The following ADGRB2 variants were observed in gnomAD, a reference collection of about 807,000 sequenced individuals.
ADGRB2 encodes the protein adhesion G protein-coupled receptor B2.
In ADGRB2, 47 loss-of-function variants were observed where a neutral mutation model predicts 178.7. That is an observed-to-expected ratio of 0.26 (90% CI 0.21 to 0.34). The LOEUF (loss-of-function observed/expected upper bound fraction) is 0.34. Among genes scored for constraint, ADGRB2 ranks in the 10% least tolerant of loss-of-function variants. ADGRB2 has a pLI of 1.00. For synonymous variants in ADGRB2, 870 were observed against 912.4 expected (o/e 0.95, Z 0.84); for missense variants, 1,584 against 2,180.8 (o/e 0.73, Z 5.45).
Position 31,755,652 on chromosome 1 carries a change from C to G in ADGRB2, c.838+347G>C, listed in dbSNP as rs1013784196. On this transcript the variant is annotated intron_variant, in intron 4 of 32. Transcript: ENST00000373658. The surrounding 1 kb of genome is among the most constrained non-coding windows in gnomAD (Gnocchi z 5.1). ...CCTTTGTGCACCCTTCTTGCTCTGC[C>G]TAGAATGCCCTCATCTCACTTCTGC... Among the ~76,000 whole-genome samples, 11 of 151,918 alleles carry G rather than the reference C, an allele frequency of 7.2e-5. No homozygotes were observed. The highest frequency in any genetic ancestry group is 5.9e-4 in the Admixed American group (9 of 15,270).
At position 31,744,758 on chromosome 1, in the gene ADGRB2, C is replaced by T. The variant is rs936591383; in HGVS notation, c.839-27G>A. 6.2e-7 allele frequency: 1 copy of T among 1,611,830 alleles called. No homozygotes were observed. Among genetic ancestry groups the T allele is most frequent in the Non-Finnish European group, 8.5e-7 (1 of 1,177,950 alleles). On this transcript the variant is annotated intron_variant, in intron 4 of 32. Coordinates refer to ENST00000373658, the MANE Select transcript of ADGRB2 (RefSeq NM_001364857.2). This position sits in a 1 kb window ranked among gnomAD's most constrained non-coding sequence, Gnocchi z 6.7. ...TGGAACACGGAGGTGGTGGCAGGGG[C>T]TCAGCAAAGGCCAGCTAGGTTCTGT...
At chr1:31,731,575 A>G (rs375777516) in intron 28 of ADGRB2, among the ~76,000 whole-genome samples, 156 bp from the exon 29 acceptor site, 9 of 152,078 alleles carry the variant, frequency 5.9e-5, no homozygotes, top group African/African-American at 2.2e-4. Context: ...TCTCTCACAT[A>G]TAAGAGGGGT....
In ADGRB2 at chr1:31,741,410, C is replaced by A. The variant is rs775608837; in HGVS notation, c.1757G>T (p.Arg586Leu). 5 of 1,606,984 alleles carry A rather than the reference C, an allele frequency of 3.1e-6. No homozygotes were observed. Among genetic ancestry groups the A allele is most frequent in the Non-Finnish European group, 4.2e-6 (5 of 1,177,040 alleles). Reference protein sequence around the residue: ...VAYWGLPSFARCISHEYRYLY... With the variant: ...VAYWGLPSFALCISHEYRYLY... The stretch of plus-strand genomic sequence containing the variant: ...GTAGCGGTACTCATGGGAGATGCAG[C>A]GAGCAAAGCTGGGCAGCCCCCAGTA... The change falls in exon 11 of 33, where the codon CGC (arginine) becomes CTC (leucine). Residue 586 changes from arginine to leucine, a missense_variant. Physicochemically the swap from Arg to Leu is moderately radical, Grantham distance 102. Coordinates refer to ENST00000373658, the MANE Select transcript of ADGRB2 (RefSeq NM_001364857.2). This position sits in a 1 kb window ranked among gnomAD's most constrained non-coding sequence, Gnocchi z 6.5.
In ADGRB2 at chr1:31,753,271, C is replaced by T. The variant is rs1376792681; in HGVS notation, c.838+2728G>A. 3.9e-5 allele frequency among the ~76,000 whole-genome samples: 6 copies of T among 152,164 alleles called. No individual in the cohort carries two copies. Among genetic ancestry groups the T allele is most frequent in the East Asian group, 1.9e-4 (1 of 5,188 alleles). ...TCCTTTTCCCCCACTTAACAGATTG[C>T]GGCAGCAAGATGGCACAAATTTATG... On this transcript the variant is annotated intron_variant, in intron 4 of 32. Coordinates refer to ENST00000373658, the MANE Select transcript of ADGRB2 (RefSeq NM_001364857.2). This position sits in a 1 kb window ranked among gnomAD's most constrained non-coding sequence, Gnocchi z 4.1.
In ADGRB2 at chr1:31,740,213, G is replaced by C; in HGVS notation, c.1990-35C>G. ...GAGCAATGAGTGGCAGGGGGTCCTA[G>C]CCCCAGGGAACAGGGGGCTTCCCCC... On this transcript the variant is annotated intron_variant, in intron 12 of 32. Transcript: ENST00000373658. This position sits in a 1 kb window ranked among gnomAD's most constrained non-coding sequence, Gnocchi z 5.9. The C allele has an allele frequency of 6.2e-7, 1 of 1,613,386 alleles. No individual in the cohort carries two copies. The highest frequency in any genetic ancestry group is 2.2e-5 in the East Asian group (1 of 44,878).
chr1:31,734,151 G>A (rs776653990), intron 25 of ADGRB2, among the ~76,000 whole-genome samples: 11 of 152,238 alleles, frequency 7.2e-5, no homozygotes, highest in Non-Finnish European at 1.6e-4. Context: ...CCCCGGAGGT[G>A]TAGCCAAGAC....
intron 27 of ADGRB2, 104 bp from the exon 28 acceptor site, chr1:31,732,258 C>T: frequency 6.7e-7 from 1 of 1,502,378 alleles, no homozygotes; most frequent in Non-Finnish European, 9.2e-7. Context: ...GTCTGCCTGC[C>T]TTAGGGCTGC....
chr1:31,733,583 C>T lies in ADGRB2; in HGVS notation c.3453-440G>A, dbSNP rs1033644095. On this transcript the variant is annotated intron_variant, in intron 25 of 32. Transcript: ENST00000373658. This position sits in a 1 kb window ranked among gnomAD's most constrained non-coding sequence, Gnocchi z 4.3. Reference sequence around the variant, plus strand: ...AGCAACAACAACCACAGTGAGAGAACGCATGCGACAGAGACACCCAGACAG... The same window carrying T: ...AGCAACAACAACCACAGTGAGAGAATGCATGCGACAGAGACACCCAGACAG... Among the ~76,000 whole-genome samples the T allele has an allele frequency of 1.3e-5, 2 of 152,140 alleles. No individual in the cohort carries two copies. The highest frequency in any genetic ancestry group is 2.1e-4 in the South Asian group (1 of 4,832).
Position 31,732,139 on chromosome 1 carries a change from C to G in ADGRB2, c.3736G>C (p.Asp1246His). The stretch of plus-strand genomic sequence containing the variant: ...CCTGTTTGACAAGCCAGATCCACAT[C>G]CTTTTCAAAGTCTGACTATAGGCAG... ...QLQILSDFEK[D>H]VDLACQTVLF... Residue 1246 changes from aspartate to histidine, a missense_variant, in exon 28 of 33, where the codon GAT becomes CAT. This residue lies in a region of ADGRB2 where 865 missense variants were observed against 1,192.8 expected (regional missense o/e 0.73). Transcript: ENST00000373658. The G allele has an allele frequency of 6.2e-7, 1 of 1,614,124 alleles. No homozygotes were observed. Among genetic ancestry groups the G allele is most frequent in the Non-Finnish European group, 8.5e-7 (1 of 1,179,994 alleles).
intron 4 of ADGRB2, among the ~76,000 whole-genome samples, chr1:31,749,607 C>T (rs944327563): frequency 2.0e-5 from 3 of 152,200 alleles, no homozygotes; most frequent in Admixed American, 6.5e-5. Context: ...GAGCACAATC[C>T]GCTCTCAATG....
chr1:31,762,011 CG>C (rs1486512409), intron 1 of ADGRB2, among the ~76,000 whole-genome samples: 1 of 143,874 alleles, frequency 7.0e-6, no homozygotes, highest in Non-Finnish European at 1.5e-5. Flanking sequence ...GAACGTAGGT[CG>C]TCTGACCGAA....
intron 25 of ADGRB2, among the ~76,000 whole-genome samples, chr1:31,734,862 CT>C (rs1343886633): frequency 6.6e-6 from 1 of 152,106 alleles, no homozygotes; most frequent in African/African-American, 2.4e-5. Context: ...CTCAAAAATT[CT>C]AAGGCTTAAG....
At position 31,741,612 on chromosome 1, in the gene ADGRB2, C is replaced by G; in HGVS notation, c.1687+12G>C. The G allele has an allele frequency of 6.2e-7, 1 of 1,612,510 alleles. No homozygotes were observed. The highest frequency in any genetic ancestry group is 1.1e-5 in the South Asian group (1 of 90,844). ...GGGGTGGTGGTGGTGGGGAAAGCCACCTGCCCCTTACCTGAGGCATTCGGG... is the reference window on the plus strand; with the variant it reads ...GGGGTGGTGGTGGTGGGGAAAGCCAGCTGCCCCTTACCTGAGGCATTCGGG... On this transcript the variant is annotated intron_variant, in intron 10 of 32. Transcript: ENST00000373658. The surrounding 1 kb of genome is among the most constrained non-coding windows in gnomAD (Gnocchi z 6.5).
chr1:31,739,204 G>GCTGC, intron 15 of ADGRB2, 104 bp downstream of exon 15: 11 of 1,237,762 alleles, frequency 8.9e-6, no homozygotes, highest in Non-Finnish European at 1.2e-5. Context: ...GGTGGAGGAG[G>GCTGC]CTGCCATGGA....
Position 31,735,574 on chromosome 1 carries a change from C to A in ADGRB2, c.3353+6G>T, listed in dbSNP as rs12409382. ...AAAGGCCAAGTCTCAGAGGCCCCCCCCTTACCCGGCCCTCTGCTTCTTGGA... is the reference window on the plus strand; with the variant it reads ...AAAGGCCAAGTCTCAGAGGCCCCCCACTTACCCGGCCCTCTGCTTCTTGGA... On this transcript the variant is annotated splice_donor_region_variant and intron_variant, in intron 24 of 32. Transcript: ENST00000373658. This position sits in a 1 kb window ranked among gnomAD's most constrained non-coding sequence, Gnocchi z 6.0. 18 of 1,613,644 alleles carry A rather than the reference C, an allele frequency of 1.1e-5. No individual in the cohort carries two copies. The highest frequency in any genetic ancestry group is 6.7e-5 in the East Asian group (3 of 44,882).
At chr1:31,748,011 G>A (rs186161679) in intron 4 of ADGRB2, among the ~76,000 whole-genome samples, 21 of 152,318 alleles carry the variant, frequency 1.4e-4, no homozygotes, top group African/African-American at 4.3e-4. Flanking sequence ...GCCCATCGTC[G>A]TGTCTGGGGC....
Position 31,728,094 on chromosome 1 carries a change from C to A in ADGRB2, c.4516-13G>T, listed in dbSNP as rs1645083546. 1 of 1,610,144 alleles carries A rather than the reference C, an allele frequency of 6.2e-7. No homozygotes were observed. The highest frequency in any genetic ancestry group is 8.5e-7 in the Non-Finnish European group (1 of 1,179,024). On this transcript the variant is annotated splice_polypyrimidine_tract_variant and intron_variant, in intron 31 of 32. Transcript: ENST00000373658. The surrounding 1 kb of genome is among the most constrained non-coding windows in gnomAD (Gnocchi z 6.7). ...ACCGCTTCTCCCTCTGCAACGGGGGCCACCGGTCAGGCTCCAACCCCAGGG... is the reference window on the plus strand; with the variant it reads ...ACCGCTTCTCCCTCTGCAACGGGGGACACCGGTCAGGCTCCAACCCCAGGG...
chr1:31,755,970 C>T lies in ADGRB2; in HGVS notation c.838+29G>A, dbSNP rs781505963. 4.8e-5 allele frequency: 76 copies of T among 1,575,554 alleles called. No individual in the cohort carries two copies. Among genetic ancestry groups the T allele is most frequent in the Non-Finnish European group, 6.3e-5 (73 of 1,157,060 alleles). ...GGACACTGTCAGCCCCTGCAGACCC[C>T]GCCCCACCCAGGCCCTGCTGAGACT... is the stretch of plus-strand genomic sequence containing the variant. On this transcript the variant is annotated intron_variant, in intron 4 of 32. Transcript: ENST00000373658. The surrounding 1 kb of genome is among the most constrained non-coding windows in gnomAD (Gnocchi z 5.1).
chr1:31,737,767 G>A lies in ADGRB2; in HGVS notation c.2773-12C>T. On this transcript the variant is annotated splice_polypyrimidine_tract_variant and intron_variant, in intron 18 of 32. Transcript: ENST00000373658. The stretch of plus-strand genomic sequence containing the variant: ...GCCAGCTCCAGGGTCTGGGGAAGAT[G>A]GGCAGACAGTCAGATGGGTTCCTGG... The A allele has an allele frequency of 1.2e-6, 2 of 1,612,280 alleles. No individual in the cohort carries two copies. Among genetic ancestry groups the A allele is most frequent in the South Asian group, 1.1e-5 (1 of 91,028 alleles).
Sources: allele counts gnomAD v4.1 joint callset (sites outside exome capture counted in the v4.1 genomes callset), GRCh38; gene constraint gnomAD v4.1.1; regional missense constraint gnomAD v4.1.1; non-coding constraint Gnocchi (gnomAD v3.1); transcripts MANE v1.5; gene names NCBI Gene and HGNC (gene_info 2026-07-23, HGNC 2026-07-21).